The following GNB5 variants were observed in gnomAD, a reference collection of about 807,000 sequenced individuals.
The protein encoded by GNB5 is G protein subunit beta 5, also known as guanine nucleotide-binding protein subunit beta-5.
In GNB5, 37 loss-of-function variants were observed where a neutral mutation model predicts 55.3. That is an observed-to-expected ratio of 0.67 (90% CI 0.51 to 0.88). The LOEUF (loss-of-function observed/expected upper bound fraction) is 0.88, where lower values mean the gene tolerates loss of function less well. Among genes scored for constraint, GNB5 ranks in the 40% least tolerant of loss-of-function variants. The probability of loss-of-function intolerance (pLI) is 0.00; values close to 1 mark genes in which losing one functional copy is unlikely to be tolerated. For synonymous variants in GNB5, 219 were observed against 198.5 expected, an observed-to-expected ratio of 1.10 and a Z score of -0.87; for missense variants, 476 against 515.3, an observed-to-expected ratio of 0.92 and a Z score of 0.74.
rs2033477336 is a variant in GNB5 at position 52,128,204 on chromosome 15, C to T, written c.904G>A (p.Asp302Asn). The T allele has an allele frequency of 6.2e-7, 1 of 1,609,020 alleles. No homozygotes were observed. Among genetic ancestry groups the T allele is most frequent in the Non-Finnish European group, 8.5e-7 (1 of 1,175,384 alleles). ...SGDAFASGSDDATCRLYDLRA... is the reference protein window; with the variant it reads ...SGDAFASGSDNATCRLYDLRA... Reference sequence around the variant, plus strand: ...AAAACTTAGAAACATACCGTAGCGTCATCTGACCCTGAAGCAAAGGCATCT... The same window carrying T: ...AAAACTTAGAAACATACCGTAGCGTTATCTGACCCTGAAGCAAAGGCATCT... Residue 302 changes from aspartate to asparagine, a missense_variant, in exon 10 of 13, where the codon GAC (aspartate) becomes AAC (asparagine). Asp to Asn is a conservative substitution (Grantham distance 23). Transcript: ENST00000261837.
intron 8 of GNB5, among the ~76,000 whole-genome samples, chr15:52,135,330 T>C (rs1455771950): frequency 1.3e-5 from 2 of 152,116 alleles, no homozygotes; most frequent in East Asian, 1.9e-4. Flanking sequence ...GCAGCACTCA[T>C]ACAGGAGAAC....
At chr15:52,174,888 C>A (rs1407838949) in intron 3 of GNB5, among the ~76,000 whole-genome samples, 1 of 152,084 alleles carries the variant, frequency 6.6e-6, no homozygotes, top group Non-Finnish European at 1.5e-5. Context: ...TCGAGACCAG[C>A]TTGGCCAACA....
chr15:52,126,681 C>T (rs1036074372), intron 10 of GNB5, among the ~76,000 whole-genome samples: 1 of 152,074 alleles, frequency 6.6e-6, no homozygotes, highest in Non-Finnish European at 1.5e-5. Flanking sequence ...ATATAAAAAT[C>T]TTTACATGTG....
chr15:52,140,824 AC>A (rs1405963547), intron 7 of GNB5, among the ~76,000 whole-genome samples: 1 of 152,196 alleles, frequency 6.6e-6, no homozygotes, highest in Non-Finnish European at 1.5e-5. Context: ...ACACGTTAGC[AC>A]GCAGACCAGG....
chr15:52,136,064 A>AACACACACACAC lies in GNB5; in HGVS notation c.628-320_628-309dup, dbSNP rs147163026. 3.9e-3 allele frequency among the ~76,000 whole-genome samples: 381 copies of AACACACACACAC among 98,034 alleles called. 7 individuals are homozygous for AACACACACACAC. The highest frequency in any genetic ancestry group is 0.016 in the African/African-American group (348 of 22,064). 64.3% of individuals were successfully genotyped at this position (98,034 alleles called of 152,430 possible). ...CTTAACGTTTTGCAGGGAAAAGCAGAACACACACACACACACACACACACA... is the reference window on the plus strand; with the variant it reads ...CTTAACGTTTTGCAGGGAAAAGCAGAACACACACACACACACACACACACACACACACACACA... On this transcript the variant is annotated intron_variant, in intron 7 of 12. Transcript: ENST00000261837.
At chr15:52,132,003 C>T (rs955878493) in intron 9 of GNB5, among the ~76,000 whole-genome samples, 1 of 152,178 alleles carries the variant, frequency 6.6e-6, no homozygotes, top group East Asian at 1.9e-4. Context: ...CACCTCCTCC[C>T]GCTATCCCTC....
chr15:52,169,562 A>AAAAC (rs1566947329), intron 3 of GNB5, among the ~76,000 whole-genome samples: 2 of 145,366 alleles, frequency 1.4e-5, no homozygotes, highest in African/African-American at 2.5e-5. Flanking sequence ...AAAAAAAAAA[A>AAAAC]AGAAAAGAAG....
Position 52,170,112 on chromosome 15 carries a change from G to A in GNB5, c.238+9656C>T, listed in dbSNP as rs535363415. ...AAAGGAATGCTTCTACACTGTTGGT[G>A]GGAATGTAAATTAAATTAGTTCAAC... On this transcript the variant is annotated intron_variant, in intron 3 of 12. Transcript: ENST00000261837. Among the ~76,000 whole-genome samples, 5 of 152,286 alleles carry A rather than the reference G, an allele frequency of 3.3e-5. No homozygotes were observed. In the South Asian group the frequency reaches 8.3e-4, roughly 25 times the overall value.
At chr15:52,186,766 T>C (rs1432368454) in intron 1 of GNB5, among the ~76,000 whole-genome samples, 2 of 152,132 alleles carry the variant, frequency 1.3e-5, no homozygotes, top group Admixed American at 1.3e-4. Context: ...GTTGGGGACA[T>C]TTCTGATGAG....
intron 3 of GNB5, among the ~76,000 whole-genome samples, chr15:52,173,639 CTG>C (rs1566948627): frequency 6.6e-6 from 1 of 152,210 alleles, no homozygotes; most frequent in Non-Finnish European, 1.5e-5. Flanking sequence ...GTTAGGGAGA[CTG>C]TTGGCAAATC....
At chr15:52,131,129 T>C (rs771515838) in intron 9 of GNB5, among the ~76,000 whole-genome samples, 1 of 152,124 alleles carries the variant, frequency 6.6e-6, no homozygotes, top group African/African-American at 2.4e-5. Context: ...CCCAGCTGAG[T>C]GTGTGCATTT....
rs2033844555 is a variant in GNB5, at chr15:52,141,185, G to A, written c.582C>T (p.His194=). 6.2e-7 allele frequency: 1 copy of A among 1,613,906 alleles called. No individual in the cohort carries two copies. The change falls in exon 7 of 13, where the codon CAC becomes CAT. Residue 194 remains histidine (H), a synonymous_variant. Transcript: ENST00000261837. ...AGCTGCAGGCCGACAGGTAGTTGGT[G>A]TGCATAGCAACAGACTTCTTTTTGG... ...MAAKKKSVAM[H]TNYLSACSFT...
In GNB5 at chr15:52,119,313, G is replaced by A. The variant is rs2033208316; in HGVS notation, c.*3444C>T. The A allele has an allele frequency of 1.0e-5, 1 of 97,084 alleles. No individual in the cohort carries two copies. Among genetic ancestry groups the A allele is most frequent in the African/African-American group, 4.5e-5 (1 of 21,998 alleles). 6.0% of individuals were successfully genotyped at this position (97,084 alleles called of 1,614,324 possible). A position where few individuals can be genotyped will look rare whatever the true frequency, so the allele number is the denominator to read the frequency against. On this transcript the variant is annotated 3_prime_UTR_variant, in exon 13 of 13. Coordinates refer to ENST00000261837, the MANE Select transcript of GNB5 (RefSeq NM_016194.4). ...GGGAGGGAGGGAGGAGGTGATGAGA[G>A]GGAGGGAGGAGGGGTGACAGGAGGA... is the stretch of plus-strand genomic sequence containing the variant.
In GNB5 at chr15:52,135,815, G is replaced by A; in HGVS notation, c.628-59C>T. The A allele has an allele frequency of 1.9e-6, 3 of 1,564,058 alleles. No homozygotes were observed. The South Asian group carries it at 3.4e-5, about 18-fold the overall frequency. On this transcript the variant is annotated intron_variant, in intron 7 of 12. Coordinates refer to ENST00000261837, the MANE Select transcript of GNB5 (RefSeq NM_016194.4). ...GTGGTTATTGCTTATGCCGGGGGCA[G>A]TCAATCAGAGGCTTAACGTTCCGCA...
chr15:52,155,918 A>G (rs967882754), intron 3 of GNB5, among the ~76,000 whole-genome samples: 34 of 152,300 alleles, frequency 2.2e-4, no homozygotes, highest in African/African-American at 7.9e-4. Context: ...AGGTACTCTG[A>G]GGCTATGTAA....
chr15:52,162,527 A>G (rs374252653), intron 3 of GNB5, among the ~76,000 whole-genome samples: 1 of 152,238 alleles, frequency 6.6e-6, no homozygotes, highest in African/African-American at 2.4e-5. Context: ...ACCGACTGCA[A>G]AGAAGACAAG....
intron 4 of GNB5, 145 bp downstream of exon 4, chr15:52,153,795 G>C (rs2034149858): frequency 1.6e-6 from 1 of 641,364 alleles, no homozygotes; most frequent in Non-Finnish European, 2.6e-6. Context: ...ATATGTAAGA[G>C]AGTTCTTTAT....
chr15:52,178,471 A>C (rs1191603031), intron 3 of GNB5, among the ~76,000 whole-genome samples: 1 of 152,192 alleles, frequency 6.6e-6, no homozygotes, highest in Admixed American at 6.5e-5. Context: ...TATTATAATC[A>C]TGGGGCAAAT....
intron 9 of GNB5, among the ~76,000 whole-genome samples, chr15:52,132,545 T>G (rs1010354946): frequency 6.7e-6 from 1 of 150,332 alleles, no homozygotes; most frequent in African/African-American, 2.5e-5. Context: ...TGGAGTGCAA[T>G]GGCACCATCT....
Sources: gnomAD v4.1 joint callset for allele counts (sites outside exome capture counted in the v4.1 genomes callset) on GRCh38, gnomAD v4.1.1 for gene constraint, MANE v1.5 for transcripts, NCBI Gene and HGNC (gene_info 2026-07-23, HGNC 2026-07-21) for gene names.